BCR: variants seen among roughly 807,000 people sequenced by gnomAD.
BCR encodes the protein breakpoint cluster region protein.
A neutral mutation model predicts 138.6 loss-of-function variants in BCR; 58 were observed. The observed-to-expected ratio is 0.42, with a 90% confidence interval of 0.34 to 0.52. BCR has a LOEUF of 0.52. Ranked by LOEUF, BCR falls within the 20% of genes least tolerant of loss-of-function variation. BCR has a pLI of 0.06. For missense variants in BCR, 1,599 were observed against 1,727.2 expected, an observed-to-expected ratio of 0.93 and a Z score of 1.32; for synonymous variants, 786 against 730.1, an observed-to-expected ratio of 1.08 and a Z score of -1.23.
chr22:23,281,317 A>G (rs2073641542), intron 8 of BCR, among the ~76,000 whole-genome samples: 1 of 152,180 alleles, frequency 6.6e-6, no homozygotes, highest in Non-Finnish European at 1.5e-5. Context: ...GTTTCCAGCC[A>G]CGTGGCCTTA....
chr22:23,260,414 G>A (rs892084614), intron 2 of BCR, among the ~76,000 whole-genome samples: 1 of 152,216 alleles, frequency 6.6e-6, no homozygotes, highest in African/African-American at 2.4e-5. Flanking sequence ...CCCTGTGGCT[G>A]GGAGGGAGGG....
intron 1 of BCR, among the ~76,000 whole-genome samples, chr22:23,201,284 G>T (rs2072550587): frequency 6.6e-6 from 1 of 152,168 alleles, no homozygotes; most frequent in Admixed American, 6.5e-5. Context: ...GCTGGGGCTT[G>T]GGGTTCTCTT....
intron 16 of BCR, among the ~76,000 whole-genome samples, chr22:23,297,937 GT>G (rs2073864128): frequency 6.6e-6 from 1 of 152,208 alleles, no homozygotes; most frequent in Non-Finnish European, 1.5e-5. Context: ...GTGCTCTTCT[GT>G]CAGTCTAGGG....
At chr22:23,257,420 A>G (rs1449262396) in intron 2 of BCR, among the ~76,000 whole-genome samples, 1 of 152,166 alleles carries the variant, frequency 6.6e-6, no homozygotes, top group Non-Finnish European at 1.5e-5. Context: ...AGCATCTCAC[A>G]CTGGGTGGGG....
At chr22:23,293,798 A>G (rs114178719) in intron 15 of BCR, among the ~76,000 whole-genome samples, 3,117 of 152,064 alleles carry the variant, frequency 0.02, 107 homozygotes, top group African/African-American at 0.071. Flanking sequence ...TTCCTGGCGC[A>G]CACACACACC....
intron 13 of BCR, 110 bp downstream of exon 13, chr22:23,289,731 G>A (rs891362192): frequency 1.1e-6 from 1 of 927,962 alleles, no homozygotes; most frequent in African/African-American, 1.7e-5. Context: ...AGTGGACTTT[G>A]GTTCAGAAGG....
intron 16 of BCR, among the ~76,000 whole-genome samples, chr22:23,295,526 G>T (rs1378211537): frequency 6.6e-6 from 1 of 151,944 alleles, no homozygotes; most frequent in African/African-American, 2.4e-5. Flanking sequence ...AAGCACAGGG[G>T]TCCCAGAGGC....
intron 8 of BCR, among the ~76,000 whole-genome samples, chr22:23,278,958 T>C (rs140536670): frequency 6.6e-6 from 1 of 152,274 alleles, no homozygotes; most frequent in African/African-American, 2.4e-5. Flanking sequence ...AAAGCTTGGG[T>C]TCTCGGCTTG....
rs140712984 is a variant in BCR at position 23,255,105 on chromosome 22, A to G, written c.1461+1125A>G. Among the ~76,000 whole-genome samples the G allele has an allele frequency of 2.3e-3, 350 of 152,352 alleles. 3 individuals carry two copies. Among genetic ancestry groups the G allele is most frequent in the African/African-American group, 8.0e-3 (332 of 41,592 alleles). The stretch of plus-strand genomic sequence containing the variant: ...TTCCCCATTTCTGTAAGGAAGCTCC[A>G]GAAGTGTATCTTCTCACTGAGCTGC... On this transcript the variant is annotated intron_variant, in intron 2 of 22. Transcript: ENST00000305877.
intron 6 of BCR, among the ~76,000 whole-genome samples, chr22:23,272,474 A>T (rs986757185): frequency 6.6e-6 from 1 of 152,134 alleles, no homozygotes; most frequent in Non-Finnish European, 1.5e-5. Flanking sequence ...ACTCACTGTC[A>T]TCATGGAGAA....
chr22:23,181,467 G>A lies in BCR; in HGVS notation c.507G>A (p.Gly169=). Residue 169 remains glycine, a synonymous_variant, in exon 1 of 23, where the codon GGG becomes GGA. Transcript: ENST00000305877. ...TCCGCAAGGGCCATGGCCAGCCCGG[G>A]GCGGACGCCGAGAAGCCCTTCTACG... is the stretch of plus-strand genomic sequence containing the variant. ...ERIRKGHGQP[G]ADAEKPFYVN... is the part of the protein sequence containing the mutation. 1.2e-6 allele frequency: 2 copies of A among 1,609,160 alleles called. No individual in the cohort carries two copies. The highest frequency in any genetic ancestry group is 1.7e-6 in the Non-Finnish European group (2 of 1,177,224).
intron 1 of BCR, among the ~76,000 whole-genome samples, chr22:23,216,099 G>A (rs1333421212): frequency 1.3e-5 from 2 of 152,158 alleles, no homozygotes; most frequent in Non-Finnish European, 2.9e-5. Context: ...TAGGTGCTCC[G>A]AGTTCTTTCC....
chr22:23,261,127 T>G, intron 3 of BCR, 73 bp downstream of exon 3: 1 of 1,461,560 alleles, frequency 6.8e-7, no homozygotes, highest in Non-Finnish European at 9.5e-7. Flanking sequence ...TCTTTGCCCT[T>G]AAGTCCCAGG....
chr22:23,295,741 T>C (rs2073838186), intron 16 of BCR, among the ~76,000 whole-genome samples: 2 of 152,078 alleles, frequency 1.3e-5, no homozygotes, highest in Admixed American at 1.3e-4. Context: ...TTAAGGAGAC[T>C]GCCTGGGCCC....
chr22:23,312,230 C>T (rs1046323339), intron 19 of BCR, among the ~76,000 whole-genome samples: 8 of 152,236 alleles, frequency 5.3e-5, no homozygotes, highest in African/African-American at 1.4e-4. Flanking sequence ...CTCCATCTCA[C>T]CAACCCTCAC....
intron 1 of BCR, among the ~76,000 whole-genome samples, chr22:23,249,799 G>A (rs922160601): frequency 6.6e-6 from 1 of 152,178 alleles, no homozygotes; most frequent in African/African-American, 2.4e-5. Context: ...GGAGTGATCT[G>A]GGTGAGCTGA....
rs970794454 is a variant in BCR at position 23,198,163 on chromosome 22, T to C, written c.1279+15924T>C. ...GGACAGAAGCCAGGCTCCAAGTGAG[T>C]ATAGGAGAGACCAGAGCACTAAATT... On this transcript the variant is annotated intron_variant, in intron 1 of 22. Transcript: ENST00000305877. 1.2e-4 allele frequency: 45 copies of C among 363,590 alleles called. 1 individual carries two copies. The highest frequency in any genetic ancestry group is 8.0e-4 in the South Asian group (39 of 48,742). The allele number at this position is 363,590 out of a possible 1,614,324, so 22.5% of individuals were successfully genotyped here.
At chr22:23,312,847 G>C in intron 19 of BCR, 40 bp from the exon 20 acceptor site, 6 of 1,595,762 alleles carry the variant, frequency 3.8e-6, no homozygotes, top group Non-Finnish European at 5.1e-6. Context: ...ACTCACTCGG[G>C]ATCCTCAAGG....
chr22:23,292,251 C>T (rs1446536379), intron 14 of BCR, among the ~76,000 whole-genome samples: 2 of 152,124 alleles, frequency 1.3e-5, no homozygotes, highest in Non-Finnish European at 2.9e-5. Flanking sequence ...CCCTTCTCAT[C>T]GTAGGGGCTT....
Sources: gnomAD v4.1 joint callset for allele counts (sites outside exome capture counted in the v4.1 genomes callset) on GRCh38, gnomAD v4.1.1 for gene constraint, MANE v1.5 for transcripts, NCBI Gene and HGNC (gene_info 2026-07-23, HGNC 2026-07-21) for gene names.